Variants in AATK observed in about 807,000 individuals in gnomAD.
The protein encoded by AATK is serine/threonine-protein kinase LMTK1.
A neutral mutation model predicts 114.3 loss-of-function variants in AATK; 91 were observed. That is an observed-to-expected ratio of 0.80 (90% CI 0.67 to 0.95). The LOEUF (loss-of-function observed/expected upper bound fraction) is 0.95, where lower values mean the gene tolerates loss of function less well. Among genes scored for constraint, AATK ranks in the 40% least tolerant of loss-of-function variants. The pLI is 0.00. For missense variants in AATK, 2,176 were observed against 1,965.2 expected, an observed-to-expected ratio of 1.11 and a Z score of -2.03; for synonymous variants, 1,075 against 916.5, an observed-to-expected ratio of 1.17 and a Z score of -3.12.
intron 1 of AATK, among the ~76,000 whole-genome samples, chr17:81,140,724 TGTGAGCCGTGGGGCC>T (rs1478043315): frequency 2.2e-5 from 1 of 46,108 alleles, no homozygotes; most frequent in Non-Finnish European, 4.3e-5. Flanking sequence ...ACCGTGGGGC[TGTGAGCCGTGGGGCC>T]GGGAGACCGT....
chr17:81,151,502 C>T (rs145051155), intron 1 of AATK, among the ~76,000 whole-genome samples: 1,729 of 152,214 alleles, frequency 0.011, 11 homozygotes, highest in Non-Finnish European at 0.017. Flanking sequence ...GGCCCCCACG[C>T]GACCCAGTTC....
At chr17:81,161,952 C>T (rs992385330) in intron 1 of AATK, among the ~76,000 whole-genome samples, 16 of 152,132 alleles carry the variant, frequency 1.1e-4, no homozygotes, top group Admixed American at 8.5e-4. Flanking sequence ...CTGCAGGGGC[C>T]GGTCCTCTGG....
intron 3 of AATK, 164 bp from the exon 4 acceptor site, chr17:81,128,713 C>T (rs2060885789): frequency 6.9e-6 from 10 of 1,439,426 alleles, no homozygotes; most frequent in Non-Finnish European, 8.2e-6. Flanking sequence ...GCCAGGGTCT[C>T]TTGAGAGCAG....
chr17:81,120,831 C>G lies in AATK; in HGVS notation c.3105G>C (p.Glu1035Asp), dbSNP rs2060690020. The change falls in exon 11 of 14, where the codon GAG (glutamate) becomes GAC (aspartate). Residue 1035 changes from glutamate (E) to aspartate (D), a missense_variant. By Grantham distance (45) the Glu-to-Asp change is conservative. Around this residue, in one of 4 missense-constraint regions of AATK, gnomAD observed 1,701 missense variants for 1,394.7 expected, o/e 1.22. Coordinates refer to ENST00000326724, the MANE Select transcript of AATK (RefSeq NM_001080395.3). ...LGLPSTGQPS[E>D]QVCLRPGVSG... ...AAACCCCAGGCCTGAGACAGACCTGCTCAGACGGCTGCCCAGTGCTCGGCA... is the reference window on the plus strand; with the variant it reads ...AAACCCCAGGCCTGAGACAGACCTGGTCAGACGGCTGCCCAGTGCTCGGCA... The G allele has an allele frequency of 6.3e-7, 1 of 1,577,822 alleles. No individual in the cohort carries two copies. Among genetic ancestry groups the G allele is most frequent in the Admixed American group, 1.8e-5 (1 of 55,066 alleles).
chr17:81,137,124 G>A (rs1248113638), intron 1 of AATK, among the ~76,000 whole-genome samples: 4 of 152,112 alleles, frequency 2.6e-5, no homozygotes, highest in Non-Finnish European at 5.9e-5. Flanking sequence ...TGGGTGTGGT[G>A]GCACAAGCCT....
At position 81,119,558 on chromosome 17, in the gene AATK, G is replaced by A. The variant is rs530844933; in HGVS notation, c.3906C>T (p.Asp1302=). 5.7e-6 allele frequency: 9 copies of A among 1,578,504 alleles called. No individual in the cohort carries two copies. The highest frequency in any genetic ancestry group is 2.4e-5 in the East Asian group (1 of 42,028). The change falls in exon 13 of 14, where the codon GAC becomes GAT. Residue 1302 remains aspartate, a synonymous_variant. Transcript: ENST00000326724. ...AEEGGGFAWD[D]DFPLMTAKAA... ...CCTTGGCCGTCATCAGCGGGAAGTC[G>A]TCGTCCCACGCGAACCCACCACCTG...
chr17:81,166,030 C>T lies in AATK; in HGVS notation c.-38G>A. ...GGCCGGCGGGCATCCCGGGAGGGCG[C>T]TGCGCTCAGGACGCCCGCGGCCCCG... On this transcript the variant is annotated 5_prime_UTR_variant, in exon 1 of 14. Transcript: ENST00000326724. 1 of 1,500,504 alleles carries T rather than the reference C, an allele frequency of 6.7e-7. No individual in the cohort carries two copies. The allele number at this position is 1,500,504 out of a possible 1,614,324, so 92.9% of individuals were successfully genotyped here.
In AATK at chr17:81,121,161, A is replaced by C. The variant is rs2060694684; in HGVS notation, c.2775T>G (p.Thr925=). ...GGYEVFSPSA[T]GPSGGQPRAL... ...CTCGCGGCTGCCCTCCAGAGGGGCC[A>C]GTGGCCGACGGGCTGAAGACCTCAT... is the stretch of plus-strand genomic sequence containing the variant. Residue 925 remains threonine, a synonymous_variant, in exon 11 of 14, where the codon ACT becomes ACG. Coordinates refer to ENST00000326724, the MANE Select transcript of AATK (RefSeq NM_001080395.3). 2 of 1,602,944 alleles carry C rather than the reference A, an allele frequency of 1.2e-6. No individual in the cohort carries two copies. Among genetic ancestry groups the C allele is most frequent in the Middle Eastern group, 1.7e-4 (1 of 6,048 alleles).
Position 81,119,924 on chromosome 17 carries a change from G to C in AATK, c.3883+12C>G. ...CCCGTGACGTCACGGGCCCAGCCCC[G>C]CCCCTGCTCACCCTCTTCCGCTGTG... On this transcript the variant is annotated intron_variant, in intron 12 of 13. Coordinates refer to ENST00000326724, the MANE Select transcript of AATK (RefSeq NM_001080395.3). 3.5e-6 allele frequency: 5 copies of C among 1,425,324 alleles called. No individual in the cohort carries two copies. Among genetic ancestry groups the C allele is most frequent in the Non-Finnish European group, 4.6e-6 (5 of 1,091,870 alleles). The allele number at this position is 1,425,324 out of a possible 1,614,324, so 88.3% of individuals were successfully genotyped here.
chr17:81,141,118 C>T (rs988835528), intron 1 of AATK, among the ~76,000 whole-genome samples: 3 of 152,076 alleles, frequency 2.0e-5, no homozygotes, highest in African/African-American at 7.3e-5. Context: ...GTGGACTCTC[C>T]CCAGAGCCCA....
At chr17:81,165,880 C>T in intron 1 of AATK, 58 bp downstream of exon 1, 1 of 1,548,238 alleles carries the variant, frequency 6.5e-7, no homozygotes, top group Non-Finnish European at 8.7e-7. Flanking sequence ...GGCCCAGGGG[C>T]ATCACGTCCG....
chr17:81,119,662 CCCCGCCT>C lies in AATK; in HGVS notation c.3884-89_3884-83del, dbSNP rs2060666376. The stretch of plus-strand genomic sequence containing the variant: ...CCGCTCCCACAGTCACGGGCCCAGG[CCCCGCCT>C]CCCATCATGTCACGGGCCCAGGCCC... On this transcript the variant is annotated intron_variant, in intron 12 of 13. Coordinates refer to ENST00000326724, the MANE Select transcript of AATK (RefSeq NM_001080395.3). 1.9e-5 allele frequency: 12 copies of C among 623,232 alleles called. No homozygotes were observed. The East Asian group carries it at 6.4e-4, about 33-fold the overall frequency. 38.6% of individuals were successfully genotyped at this position (623,232 alleles called of 1,614,324 possible). A position where few individuals can be genotyped will look rare whatever the true frequency, so the allele number is the denominator to read the frequency against.
intron 1 of AATK, among the ~76,000 whole-genome samples, chr17:81,154,938 C>A (rs1046933970): frequency 6.6e-6 from 1 of 152,192 alleles, no homozygotes; most frequent in Non-Finnish European, 1.5e-5. Flanking sequence ...CCCTTTCCCA[C>A]TATTTTAAAT....
At chr17:81,131,280 T>C in intron 2 of AATK, 75 bp from the exon 3 acceptor site, 2 of 1,469,558 alleles carry the variant, frequency 1.4e-6, no homozygotes, top group African/African-American at 1.4e-5. Flanking sequence ...GAAAGGCCCC[T>C]TTCTTCCAGG....
rs748347875 is a variant in AATK, at chr17:81,120,240, C to T, written c.3696G>A (p.Val1232=). The T allele has an allele frequency of 3.8e-6, 6 of 1,593,850 alleles. No homozygotes were observed. The South Asian group carries it at 5.5e-5, about 15-fold the overall frequency. Reference sequence around the variant, plus strand: ...AGACGGTGACGTCGTCGAAGAAGGACACGGCCTTCTTCTTGCGTTCCAGGT... The same window carrying T: ...AGACGGTGACGTCGTCGAAGAAGGATACGGCCTTCTTCTTGCGTTCCAGGT... ...CEDLERKKKA[V]SFFDDVTVYL... The change falls in exon 11 of 14, where the codon GTG becomes GTA. Residue 1232 remains valine (V), a synonymous_variant. Coordinates refer to ENST00000326724, the MANE Select transcript of AATK (RefSeq NM_001080395.3).
chr17:81,159,452 C>T (rs1054589266), intron 1 of AATK, among the ~76,000 whole-genome samples: 2 of 152,148 alleles, frequency 1.3e-5, no homozygotes, highest in African/African-American at 4.8e-5. Context: ...ACCCGCACCC[C>T]GGAGGTCAGA....
At chr17:81,161,256 T>A (rs938738553) in intron 1 of AATK, among the ~76,000 whole-genome samples, 1 of 151,916 alleles carries the variant, frequency 6.6e-6, no homozygotes, top group Non-Finnish European at 1.5e-5. Flanking sequence ...GCTGGCGGGA[T>A]CCTTCCTGCC....
rs2060925706 is a variant in AATK, at chr17:81,131,222, G to C, written c.190-17C>G. ...CTCAAACTCCTGCGGGCCGGGCCGG[G>C]CATGAGCGGGGCTTCTCGCAGGTCA... On this transcript the variant is annotated splice_polypyrimidine_tract_variant and intron_variant, in intron 2 of 13. Coordinates refer to ENST00000326724, the MANE Select transcript of AATK (RefSeq NM_001080395.3). 2.6e-6 allele frequency: 4 copies of C among 1,560,654 alleles called. No homozygotes were observed. Among genetic ancestry groups the C allele is most frequent in the Non-Finnish European group, 3.5e-6 (4 of 1,157,600 alleles).
Position 81,150,948 on chromosome 17 carries a change from A to G in AATK, c.55+14990T>C, listed in dbSNP as rs528573521. ...AGTCAGCATGTCCAGGGGTCAGGCCAGTGTCCCTGGGAAGCCCAGAGTGGT... is the reference window on the plus strand; with the variant it reads ...AGTCAGCATGTCCAGGGGTCAGGCCGGTGTCCCTGGGAAGCCCAGAGTGGT... On this transcript the variant is annotated intron_variant, in intron 1 of 13. Transcript: ENST00000326724. Among the ~76,000 whole-genome samples the G allele has an allele frequency of 4.6e-5, 7 of 152,330 alleles. No homozygotes were observed. In the East Asian group the frequency reaches 9.7e-4, roughly 21 times the overall value.
Sources: gnomAD v4.1 joint callset for allele counts (sites outside exome capture counted in the v4.1 genomes callset) on GRCh38, gnomAD v4.1.1 for gene constraint, gnomAD v4.1.1 regional missense constraint, MANE v1.5 for transcripts, NCBI Gene and HGNC (gene_info 2026-07-23, HGNC 2026-07-21) for gene names.